Variants in LIN7A observed in about 807,000 individuals in gnomAD.
LIN7A encodes protein lin-7 homolog A.
A neutral mutation model predicts 29.8 loss-of-function variants in LIN7A; 25 were observed. That is an observed-to-expected ratio of 0.84 (90% CI 0.61 to 1.17). LIN7A has a LOEUF of 1.17. Ranked by LOEUF, LIN7A falls within the 50% of genes most tolerant of loss-of-function variation. The pLI is 0.00. For synonymous variants in LIN7A, 118 were observed against 107.5 expected (o/e 1.10, Z -0.60); for missense variants, 239 against 287.0 (o/e 0.83, Z 1.21).
At chr12:80,917,567 T>C (rs1028076576) in intron 1 of LIN7A, among the ~76,000 whole-genome samples, 1 of 152,182 alleles carries the variant, frequency 6.6e-6, no homozygotes, top group Admixed American at 6.5e-5. Context: ...AAAATAAAAT[T>C]TGATGCCATT....
rs931780862 is a variant in LIN7A, at chr12:80,822,551, C to T, written c.484-10868G>A. ...CCAGCCTGGGTGAAAGAGTGAAACT[C>T]TATCACACAAGCACACAAAATATAA... On this transcript the variant is annotated intron_variant, in intron 4 of 5. Transcript: ENST00000552864. Among the ~76,000 whole-genome samples the T allele has an allele frequency of 3.3e-5, 5 of 152,116 alleles. No homozygotes were observed. In the South Asian group the frequency reaches 1.0e-3, roughly 32 times the overall value.
At chr12:80,931,311 A>G (rs1234256591) in intron 1 of LIN7A, among the ~76,000 whole-genome samples, 1 of 152,208 alleles carries the variant, frequency 6.6e-6, no homozygotes, top group Non-Finnish European at 1.5e-5. Context: ...AATGCTTTAG[A>G]GATTTGAGTC....
chr12:80,876,084 G>C (rs11831755), intron 2 of LIN7A, among the ~76,000 whole-genome samples: 2 of 148,670 alleles, frequency 1.3e-5, no homozygotes, highest in African/African-American at 4.9e-5. Flanking sequence ...CACACACAGA[G>C]AGAGAGAAAG....
At chr12:80,841,408 G>T (rs1264432195) in intron 4 of LIN7A, among the ~76,000 whole-genome samples, 1 of 149,144 alleles carries the variant, frequency 6.7e-6, no homozygotes, top group Non-Finnish European at 1.5e-5. Flanking sequence ...AGGAAGGAAG[G>T]AGGGAAAGAA....
At chr12:80,935,800 A>G (rs567309928) in intron 1 of LIN7A, 42 of 507,990 alleles carry the variant, frequency 8.3e-5, no homozygotes, top group Admixed American at 8.2e-4. Flanking sequence ...AATTACACTC[A>G]GAAGGACAAG....
Position 80,937,761 on chromosome 12 carries a change from G to C in LIN7A, c.-39C>G. The C allele has an allele frequency of 7.5e-7, 1 of 1,325,016 alleles. No homozygotes were observed. Among genetic ancestry groups the C allele is most frequent in the Non-Finnish European group, 1.0e-6 (1 of 988,014 alleles). The allele number at this position is 1,325,016 out of a possible 1,614,324, so 82.1% of individuals were successfully genotyped here. On this transcript the variant is annotated 5_prime_UTR_variant, in exon 1 of 6. Transcript: ENST00000552864. ...TAGTGAGAAAAAAAGGAGGAGATTG[G>C]GGGCGGGGGTGGAGAGGGAAGACGG...
intron 2 of LIN7A, among the ~76,000 whole-genome samples, chr12:80,871,425 A>G (rs1191684005): frequency 6.6e-6 from 1 of 152,154 alleles, no homozygotes; most frequent in Non-Finnish European, 1.5e-5. Context: ...CAAGTCAACA[A>G]GCTTAATTAT....
intron 4 of LIN7A, among the ~76,000 whole-genome samples, chr12:80,816,545 T>C (rs1871547338): frequency 1.3e-5 from 2 of 152,098 alleles, no homozygotes; most frequent in South Asian, 4.1e-4. Flanking sequence ...AATAAAATAC[T>C]AAACTGATAT....
In LIN7A at chr12:80,937,737, A is replaced by G. The variant is rs746305960; in HGVS notation, c.-15T>C. On this transcript the variant is annotated 5_prime_UTR_variant, in exon 1 of 6. Coordinates refer to ENST00000552864, the MANE Select transcript of LIN7A (RefSeq NM_004664.4). Reference sequence around the variant, plus strand: ...GGCTTCAGCATCAGCAACCGCTCGTAGTGAGAAAAAAAGGAGGAGATTGGG... The same window carrying G: ...GGCTTCAGCATCAGCAACCGCTCGTGGTGAGAAAAAAAGGAGGAGATTGGG... 2 of 864,928 alleles carry G rather than the reference A, an allele frequency of 2.3e-6. No individual in the cohort carries two copies. Among genetic ancestry groups the G allele is most frequent in the Admixed American group, 2.8e-5 (1 of 35,556 alleles). The allele number at this position is 864,928 out of a possible 1,614,324, so 53.6% of individuals were successfully genotyped here.
At chr12:80,904,237 C>T (rs1237215357) in intron 1 of LIN7A, among the ~76,000 whole-genome samples, 1 of 152,038 alleles carries the variant, frequency 6.6e-6, no homozygotes, top group East Asian at 1.9e-4. Flanking sequence ...GAAACATGCA[C>T]ATACTATGGA....
chr12:80,814,480 T>C (rs984080462), intron 4 of LIN7A, among the ~76,000 whole-genome samples: 3 of 152,194 alleles, frequency 2.0e-5, no homozygotes, highest in Non-Finnish European at 4.4e-5. Context: ...TTCGTGGCTT[T>C]TGTTCTATTT....
intron 2 of LIN7A, among the ~76,000 whole-genome samples, chr12:80,879,452 T>C (rs2120568641): frequency 6.6e-6 from 1 of 151,962 alleles, no homozygotes; most frequent in East Asian, 1.9e-4. Context: ...CTTGTGAAAA[T>C]TGATGACCTC....
At chr12:80,860,883 T>C (rs2120404167) in intron 2 of LIN7A, 1 of 152,342 alleles carries the variant, frequency 6.6e-6, no homozygotes, top group Non-Finnish European at 1.5e-5. Context: ...TATTCTTCTC[T>C]TCATCAACTA....
intron 5 of LIN7A, among the ~76,000 whole-genome samples, chr12:80,806,067 G>A (rs1323948299): frequency 6.6e-6 from 1 of 151,678 alleles, no homozygotes; most frequent in Non-Finnish European, 1.5e-5. Context: ...GACAGAGAGA[G>A]ACTCTGTATT....
intron 2 of LIN7A, among the ~76,000 whole-genome samples, chr12:80,878,363 T>G (rs1286209644): frequency 6.6e-6 from 1 of 152,240 alleles, no homozygotes; most frequent in East Asian, 1.9e-4. Context: ...GGTGATGTAG[T>G]CATTCTCTTT....
intron 2 of LIN7A, 105 bp from the exon 3 acceptor site, chr12:80,848,427 A>G: frequency 3.8e-6 from 3 of 793,256 alleles, no homozygotes; most frequent in Admixed American, 2.2e-5. Flanking sequence ...AAAATTCTCT[A>G]TTGCAAAATA....
At chr12:80,912,315 G>C (rs1293915648) in intron 1 of LIN7A, among the ~76,000 whole-genome samples, 1 of 151,984 alleles carries the variant, frequency 6.6e-6, no homozygotes, top group Admixed American at 6.6e-5. Flanking sequence ...GGTTGGGGGG[G>C]ATATATAATA....
At chr12:80,897,286 A>G (rs1875956603) in intron 1 of LIN7A, among the ~76,000 whole-genome samples, 1 of 151,850 alleles carries the variant, frequency 6.6e-6, no homozygotes, top group Non-Finnish European at 1.5e-5. Context: ...TTTTGTATTT[A>G]ATCTTGTACA....
rs1555221377 is a variant in LIN7A at position 80,807,080 on chromosome 12, T to TTTTTTTTGTTGTTG, written c.*4384_*4385insCAACAACAAAAAAA. On this transcript the variant is annotated intron_variant, in intron 5 of 5. Transcript: ENST00000552864. ...AAGATGGAGTTTTTTTTTTTTTTTT[T>TTTTTTTTGTTGTTG]TTTTTTTTTTTGACGGAGTCTCGCT... Among the ~76,000 whole-genome samples the TTTTTTTTGTTGTTG allele has an allele frequency of 8.3e-4, 112 of 134,732 alleles. 3 individuals carry two copies. Among genetic ancestry groups the TTTTTTTTGTTGTTG allele is most frequent in the African/African-American group, 1.2e-3 (43 of 35,368 alleles). The allele number at this position is 134,732 out of a possible 152,430, so 88.4% of individuals were successfully genotyped here.
Sources: allele counts gnomAD v4.1 joint callset (sites outside exome capture counted in the v4.1 genomes callset), GRCh38; gene constraint gnomAD v4.1.1; transcripts MANE v1.5; gene names NCBI Gene and HGNC (gene_info 2026-07-23, HGNC 2026-07-21).